Variants in HOXA3 observed in about 807,000 individuals in gnomAD.
HOXA3 encodes homeobox A3.
Under a neutral mutation model 30.3 loss-of-function variants are expected in HOXA3, and 8 were observed. The observed-to-expected ratio is 0.26, with a 90% confidence interval of 0.15 to 0.48. The LOEUF is 0.48. Among genes scored for constraint, HOXA3 ranks in the 20% least tolerant of loss-of-function variants. The pLI, the probability that HOXA3 is intolerant of heterozygous loss-of-function variation, is 0.99. For synonymous variants in HOXA3, 323 were observed against 273.1 expected (o/e 1.18, Z -1.80); for missense variants, 653 against 614.4 (o/e 1.06, Z -0.66).
chr7:27,146,690 C>T (rs1782779498), intron 1 of HOXA3, among the ~76,000 whole-genome samples: 1 of 152,028 alleles, frequency 6.6e-6, no homozygotes, highest in African/African-American at 2.4e-5. Flanking sequence ...TGGGGGGTCC[C>T]TCCAAGACAG....
rs1292066056 is a variant in HOXA3 at position 27,108,749 on chromosome 7, G to A, written c.527-29C>T. On this transcript the variant is annotated intron_variant, in intron 5 of 5. Coordinates refer to ENST00000612286, the MANE Select transcript of HOXA3 (RefSeq NM_153631.3). This position sits in a 1 kb window ranked among gnomAD's most constrained non-coding sequence, Gnocchi z 5.0. ...CGAGGACAGAGAGAGGAAGAGCGGC[G>A]TCAGGGGCTGCCGCGGCCCCGCCCA... 4 of 1,533,952 alleles carry A rather than the reference G, an allele frequency of 2.6e-6. No individual in the cohort carries two copies. The highest frequency in any genetic ancestry group is 3.5e-6 in the Non-Finnish European group (4 of 1,137,692).
chr7:27,145,993 A>G lies in HOXA3; in HGVS notation c.-493-5807T>C, dbSNP rs532144728. The G allele has an allele frequency of 2.5e-4, 372 of 1,509,288 alleles. 5 individuals carry two copies. In the South Asian group the frequency reaches 4.5e-3, roughly 18 times the overall value. 93.5% of individuals were successfully genotyped at this position (1,509,288 alleles called of 1,614,324 possible). Reference sequence around the variant, plus strand: ...CCCAGTCAGCCCAGTGCCTCCCACAAGAGGCACCCAGACTAGAAACCACCC... The same window carrying G: ...CCCAGTCAGCCCAGTGCCTCCCACAGGAGGCACCCAGACTAGAAACCACCC... On this transcript the variant is annotated intron_variant, in intron 1 of 5. Coordinates refer to ENST00000612286, the MANE Select transcript of HOXA3 (RefSeq NM_153631.3).
At position 27,107,991 on chromosome 7, in the gene HOXA3, G is replaced by A; in HGVS notation, c.1256C>T (p.Pro419Leu). Residue 419 changes from proline (P) to leucine (L), a missense_variant, in exon 6 of 6, where the codon CCC becomes CTC. Pro to Leu is a moderately conservative substitution (Grantham distance 98). This residue lies in a region of HOXA3 where 330 missense variants were observed against 274.4 expected (regional missense o/e 1.20). Coordinates refer to ENST00000612286, the MANE Select transcript of HOXA3 (RefSeq NM_153631.3). ...HHGPGPGEPH[P>L]TYTDLTGHHP... Reference sequence around the variant, plus strand: ...GTGGCCGGTAAGGTCCGTGTAGGTGGGGTGCGGCTCCCCAGGCCCCGGCCC... The same window carrying A: ...GTGGCCGGTAAGGTCCGTGTAGGTGAGGTGCGGCTCCCCAGGCCCCGGCCC... 1 of 1,611,518 alleles carries A rather than the reference G, an allele frequency of 6.2e-7. No individual in the cohort carries two copies. The highest frequency in any genetic ancestry group is 1.1e-5 in the South Asian group (1 of 90,918).
Position 27,147,532 on chromosome 7 carries a change from T to C in HOXA3, c.-494+4756A>G, listed in dbSNP as rs758481176. On this transcript the variant is annotated intron_variant, in intron 1 of 5. Transcript: ENST00000612286. ...AGAATAGAAACACGAGGCCCCGTAC[T>C]CGTAGGACGCCCGGTTGCAGGCCAG... The C allele has an allele frequency of 1.9e-6, 3 of 1,614,096 alleles. No homozygotes were observed. The African/African-American group carries it at 4.0e-5, about 22-fold the overall frequency.
chr7:27,152,279 ATG>A lies in HOXA3; in HGVS notation c.-494+7_-494+8del. On this transcript the variant is annotated splice_region_variant and intron_variant, in intron 1 of 5. Coordinates refer to ENST00000612286, the MANE Select transcript of HOXA3 (RefSeq NM_153631.3). ...ACCTTTGCTCCTATCTCCTCCCCACATGTCTCACCTTCAGACGGTGGCTCCCA... is the reference window on the plus strand; with the variant it reads ...ACCTTTGCTCCTATCTCCTCCCCACATCTCACCTTCAGACGGTGGCTCCCA... 3 of 1,279,220 alleles carry A rather than the reference ATG, an allele frequency of 2.3e-6. No individual in the cohort carries two copies. Among genetic ancestry groups the A allele is most frequent in the Non-Finnish European group, 3.1e-6 (3 of 983,334 alleles). 79.2% of individuals were successfully genotyped at this position (1,279,220 alleles called of 1,614,324 possible). A position where few individuals can be genotyped will look rare whatever the true frequency, so the allele number is the denominator to read the frequency against.
chr7:27,129,525 G>T (rs538355343), intron 2 of HOXA3: 3 of 1,614,136 alleles, frequency 1.9e-6, no homozygotes, highest in Non-Finnish European at 2.5e-6. Context: ...GCCGGGTGTA[G>T]GCGGTTCGAG....
At chr7:27,135,718 G>C (rs1019855813) in intron 2 of HOXA3, among the ~76,000 whole-genome samples, 11 of 152,122 alleles carry the variant, frequency 7.2e-5, no homozygotes, top group African/African-American at 2.7e-4. Flanking sequence ...GCACCATTCT[G>C]TTGCCTTTGA....
chr7:27,119,712 C>T (rs190927192), intron 4 of HOXA3: 1 of 152,296 alleles, frequency 6.6e-6, no homozygotes, highest in African/African-American at 2.4e-5. Context: ...CCCTTCACTC[C>T]TCCCCTGCAG....
At chr7:27,129,275 G>A (rs1215648255) in intron 2 of HOXA3, 1 of 1,613,606 alleles carries the variant, frequency 6.2e-7, no homozygotes, top group South Asian at 1.1e-5. Flanking sequence ...GGGTGGGGAT[G>A]GAGGTGTGGG....
chr7:27,143,911 C>G (rs62454415), intron 1 of HOXA3, among the ~76,000 whole-genome samples: 27,466 of 152,218 alleles, frequency 0.18, 2,638 homozygotes, highest in East Asian at 0.24. Context: ...CAGCCGGACT[C>G]GAGCGCCACC....
At chr7:27,147,296 GAT>G (rs775642698) in intron 1 of HOXA3, 1 of 1,610,022 alleles carries the variant, frequency 6.2e-7, no homozygotes, top group South Asian at 1.1e-5. Flanking sequence ...ACTGTCTTGG[GAT>G]ATGTCTTACC....
In HOXA3 at chr7:27,146,251, T is replaced by TTTG. The variant is rs1782763449; in HGVS notation, c.-494+6036_-494+6037insCAA. Among the ~76,000 whole-genome samples the TTTG allele has an allele frequency of 1.0e-4, 15 of 149,112 alleles. No homozygotes were observed. In the East Asian group the frequency reaches 2.6e-3, roughly 26 times the overall value. ...GGGGATGCAGGGTGTGTGTGTGTGTTTGTGTGTGTGTGTGTGTGTGTGTCT... is the reference window on the plus strand; with the variant it reads ...GGGGATGCAGGGTGTGTGTGTGTGTTTTGTGTGTGTGTGTGTGTGTGTGTGTCT... On this transcript the variant is annotated intron_variant, in intron 1 of 5. Coordinates refer to ENST00000612286, the MANE Select transcript of HOXA3 (RefSeq NM_153631.3).
At chr7:27,115,875 A>T (rs932153536) in intron 4 of HOXA3, 1 of 152,634 alleles carries the variant, frequency 6.6e-6, no homozygotes, top group Admixed American at 6.5e-5. Flanking sequence ...TCGGTGCCCC[A>T]GCCTCAAGCC....
In HOXA3 at chr7:27,127,044, T is replaced by C. The variant is rs573854196; in HGVS notation, c.-363A>G. 5 of 152,136 alleles carry C rather than the reference T, an allele frequency of 3.3e-5. No individual in the cohort carries two copies. The highest frequency in any genetic ancestry group is 7.4e-5 in the Non-Finnish European group (5 of 68,018). The allele number at this position is 152,136 out of a possible 1,614,324, so 9.4% of individuals were successfully genotyped here. A position where few individuals can be genotyped will look rare whatever the true frequency, so the allele number is the denominator to read the frequency against. On this transcript the variant is annotated 5_prime_UTR_variant, in exon 3 of 6. Coordinates refer to ENST00000612286, the MANE Select transcript of HOXA3 (RefSeq NM_153631.3). ...AAGATCCCTCTCTCCTCCACAGACT[T>C]TTCCCAGAGAATGCCTTTCAGAATT...
chr7:27,136,918 G>T (rs1285451989), intron 2 of HOXA3, among the ~76,000 whole-genome samples: 1 of 152,094 alleles, frequency 6.6e-6, no homozygotes, highest in African/African-American at 2.4e-5. Flanking sequence ...CCTCAGCCCT[G>T]CCTGGGAGCC....
intron 1 of HOXA3, chr7:27,143,670 T>TG: frequency 2.0e-6 from 3 of 1,523,866 alleles, no homozygotes; most frequent in Non-Finnish European, 2.6e-6. Context: ...ATAGCACCCT[T>TG]GCACAATTTA....
intron 4 of HOXA3, 21 bp downstream of exon 4, chr7:27,122,538 G>C (rs1476530167): frequency 6.6e-6 from 1 of 152,236 alleles, no homozygotes; most frequent in East Asian, 1.9e-4. Context: ...ACGCGGCGAA[G>C]AGTTTTGGAG....
chr7:27,110,325 G>T lies in HOXA3; in HGVS notation c.316C>A (p.Gln106Lys). The T allele has an allele frequency of 6.6e-7, 1 of 1,520,700 alleles. No homozygotes were observed. Among genetic ancestry groups the T allele is most frequent in the Non-Finnish European group, 8.8e-7 (1 of 1,136,634 alleles). 94.2% of individuals were successfully genotyped at this position (1,520,700 alleles called of 1,614,324 possible). The change falls in exon 5 of 6, where the codon CAG (glutamine) becomes AAG (lysine). Residue 106 changes from glutamine to lysine, a missense_variant. Physicochemically the swap from Gln to Lys is moderately conservative, Grantham distance 53. Coordinates refer to ENST00000612286, the MANE Select transcript of HOXA3 (RefSeq NM_153631.3). ...QAAPPAPQPP[Q>K]PAPQPPAPTP... Reference sequence around the variant, plus strand: ...GGTGCAGGGGGCTGAGGTGCGGGCTGAGGCGGCTGTGGGGCAGGGGGCGCG... The same window carrying T: ...GGTGCAGGGGGCTGAGGTGCGGGCTTAGGCGGCTGTGGGGCAGGGGGCGCG...
intron 2 of HOXA3, chr7:27,130,712 T>C: frequency 6.2e-7 from 1 of 1,607,876 alleles, no homozygotes; most frequent in Non-Finnish European, 8.5e-7. Context: ...TTGGAGTTTA[T>C]CAAAAACGAG....
Sources: allele counts gnomAD v4.1 joint callset (sites outside exome capture counted in the v4.1 genomes callset), GRCh38; gene constraint gnomAD v4.1.1; regional missense constraint gnomAD v4.1.1; non-coding constraint Gnocchi (gnomAD v3.1); transcripts MANE v1.5; gene names NCBI Gene and HGNC (gene_info 2026-07-23, HGNC 2026-07-21).